FARS2: variants seen among roughly 807,000 people sequenced by gnomAD.
FARS2 encodes the protein phenylalanine--tRNA ligase, mitochondrial.
A neutral mutation model predicts 46.4 loss-of-function variants in FARS2; 40 were observed. The observed-to-expected ratio is 0.86, with a 90% CI of 0.67 to 1.12. FARS2 has a LOEUF of 1.12. FARS2 is among the 50% of genes most tolerant of loss of function. FARS2 has a pLI of 0.00. For synonymous variants in FARS2, 234 were observed against 214.9 expected, an observed-to-expected ratio of 1.09 and a Z score of -0.78; for missense variants, 513 against 567.9, an observed-to-expected ratio of 0.90 and a Z score of 0.98.
intron 1 of FARS2, among the ~76,000 whole-genome samples, chr6:5,280,689 A>G (rs953755811): frequency 7.4e-5 from 11 of 147,676 alleles, no homozygotes; most frequent in African/African-American, 2.0e-4. Flanking sequence ...TTCCCCAGCC[A>G]TTCTTTTTTT....
chr6:5,568,322 G>A (rs891489231), intron 5 of FARS2, among the ~76,000 whole-genome samples: 1 of 152,120 alleles, frequency 6.6e-6, no homozygotes, highest in African/African-American at 2.4e-5. Context: ...TTTTGTTGAT[G>A]TATGTGACAT....
chr6:5,454,810 G>A (rs965390098), intron 4 of FARS2, among the ~76,000 whole-genome samples: 4 of 152,078 alleles, frequency 2.6e-5, no homozygotes, highest in Non-Finnish European at 4.4e-5. Context: ...CTGGCCATGC[G>A]GACCCGCCTT....
At chr6:5,277,204 G>GTTTTTT (rs561665754) in intron 1 of FARS2, among the ~76,000 whole-genome samples, 1 of 143,400 alleles carries the variant, frequency 7.0e-6, no homozygotes, top group African/African-American at 2.6e-5. Context: ...TCACAGTTTT[G>GTTTTTT]TTTTTTTTTT....
chr6:5,326,408 T>C (rs1770385847), intron 1 of FARS2, among the ~76,000 whole-genome samples: 1 of 152,190 alleles, frequency 6.6e-6, no homozygotes, highest in Admixed American at 6.5e-5. Context: ...AGCAAATCAT[T>C]AACGTCCAGC....
In FARS2 at chr6:5,727,718, C is replaced by T. The variant is rs950899833; in HGVS notation, c.1218-43573C>T. On this transcript the variant is annotated intron_variant, in intron 6 of 6. Transcript: ENST00000274680. This position sits in a 1 kb window ranked among gnomAD's most constrained non-coding sequence, Gnocchi z 4.1. ...GAGGAGTTCACAGATTGGAGTGCCA[C>T]AGGGATCATATTTTCAGGTGCATTT... Among the ~76,000 whole-genome samples, 1 of 152,216 alleles carries T rather than the reference C, an allele frequency of 6.6e-6. No individual in the cohort carries two copies. The highest frequency in any genetic ancestry group is 2.4e-5 in the African/African-American group (1 of 41,454).
chr6:5,597,269 T>C (rs902417989), intron 5 of FARS2, among the ~76,000 whole-genome samples: 4 of 152,142 alleles, frequency 2.6e-5, no homozygotes, highest in African/African-American at 9.7e-5. Flanking sequence ...GGATGGAAGG[T>C]GTGGCTGTCT....
intron 1 of FARS2, among the ~76,000 whole-genome samples, chr6:5,340,975 G>A (rs972439075): frequency 4.6e-5 from 7 of 151,220 alleles, no homozygotes; most frequent in Non-Finnish European, 1.5e-5. Context: ...ATGAAACCCC[G>A]TCTCTGCTAA....
chr6:5,682,852 G>A (rs1304011428), intron 6 of FARS2, among the ~76,000 whole-genome samples: 2 of 152,244 alleles, frequency 1.3e-5, no homozygotes, highest in African/African-American at 4.8e-5. Flanking sequence ...GTGTGGGGCA[G>A]AGAGTGAAGT....
intron 1 of FARS2, among the ~76,000 whole-genome samples, chr6:5,278,844 G>A (rs1010238658): frequency 2.6e-5 from 4 of 152,180 alleles, no homozygotes; most frequent in African/African-American, 9.7e-5. Context: ...CAGAGAGAAA[G>A]GAAATGCCTA....
At chr6:5,407,116 GA>G (rs1210486996) in intron 3 of FARS2, among the ~76,000 whole-genome samples, 1 of 138,372 alleles carries the variant, frequency 7.2e-6, no homozygotes, top group African/African-American at 2.7e-5. Context: ...AGTAATCAGG[GA>G]AAAACAAAAC....
chr6:5,374,824 A>G (rs1759277155), intron 2 of FARS2, among the ~76,000 whole-genome samples: 1 of 152,138 alleles, frequency 6.6e-6, no homozygotes, highest in South Asian at 2.1e-4. Flanking sequence ...GATCATCTCA[A>G]TAGATATAGA....
In FARS2 at chr6:5,474,159, C is replaced by T. The variant is rs181227759; in HGVS notation, c.904+42987C>T. ...AGCCATCATCACATTTCCGTTATCT[C>T]CAATGGCACATGCCGCTGTCTACAT... On this transcript the variant is annotated intron_variant, in intron 4 of 6. Coordinates refer to ENST00000274680, the MANE Select transcript of FARS2 (RefSeq NM_006567.5). 1.4e-3 allele frequency among the ~76,000 whole-genome samples: 214 copies of T among 152,348 alleles called. 2 individuals carry two copies. The highest frequency in any genetic ancestry group is 0.01 in the Middle Eastern group (3 of 294).
intron 6 of FARS2, among the ~76,000 whole-genome samples, chr6:5,626,044 G>A (rs916703457): frequency 1.3e-5 from 2 of 152,184 alleles, no homozygotes; most frequent in South Asian, 2.1e-4. Flanking sequence ...TAGAGCCAGG[G>A]AAGGTGTTAT....
rs573302539 is a variant in FARS2, at chr6:5,569,825, G to C, written c.1065+24485G>C. On this transcript the variant is annotated intron_variant, in intron 5 of 6. Coordinates refer to ENST00000274680, the MANE Select transcript of FARS2 (RefSeq NM_006567.5). ...TGAGCAAGCACTGGCATGGGTTGAT[G>C]CTTGGGAATGGCTGTCAAGAGGACA... is the stretch of plus-strand genomic sequence containing the variant. Among the ~76,000 whole-genome samples the C allele has an allele frequency of 2.6e-5, 4 of 152,246 alleles. No individual in the cohort carries two copies. The East Asian group carries it at 7.7e-4, about 29-fold the overall frequency.
At position 5,609,851 on chromosome 6, in the gene FARS2, C is replaced by T. The variant is rs565175271; in HGVS notation, c.1066-3318C>T. On this transcript the variant is annotated intron_variant, in intron 5 of 6. Transcript: ENST00000274680. ...TCAAAATAATCTCTTAGGTGATGTT[C>T]TTCAGTGTCTTTAATGCCACCAACA... The T allele has an allele frequency of 4.8e-6, 5 of 1,031,130 alleles. No individual in the cohort carries two copies. The East Asian group carries it at 9.5e-5, about 20-fold the overall frequency. The allele number at this position is 1,031,130 out of a possible 1,614,324, so 63.9% of individuals were successfully genotyped here. A position where few individuals can be genotyped will look rare whatever the true frequency, so the allele number is the denominator to read the frequency against.
intron 6 of FARS2, among the ~76,000 whole-genome samples, chr6:5,641,281 C>CAGTTT (rs1776804101): frequency 6.7e-6 from 1 of 149,680 alleles, no homozygotes; most frequent in African/African-American, 2.5e-5. Flanking sequence ...CACGTGTCCC[C>CAGTTT]AGTTTATTTT....
At chr6:5,591,898 A>T (rs1773938858) in intron 5 of FARS2, among the ~76,000 whole-genome samples, 2 of 152,218 alleles carry the variant, frequency 1.3e-5, no homozygotes, top group Non-Finnish European at 2.9e-5. Flanking sequence ...TTTCTTGTGG[A>T]AAAAGAGTAT....
chr6:5,321,517 T>C (rs189476644), intron 1 of FARS2, among the ~76,000 whole-genome samples: 1 of 152,320 alleles, frequency 6.6e-6, no homozygotes, highest in East Asian at 1.9e-4. Context: ...GTGTGGCCTC[T>C]GTGCCTTGTA....
rs889677444 is a variant in FARS2, at chr6:5,436,832, C to T, written c.904+5660C>T. Among the ~76,000 whole-genome samples, 10 of 152,274 alleles carry T rather than the reference C, an allele frequency of 6.6e-5. No homozygotes were observed. The East Asian group carries it at 9.6e-4, about 15-fold the overall frequency. On this transcript the variant is annotated intron_variant, in intron 4 of 6. Coordinates refer to ENST00000274680, the MANE Select transcript of FARS2 (RefSeq NM_006567.5). ...AAACAAATACCCTAGATAATTCTTA[C>T]GAATGACTCACATTCAGACCATACT...
Sources: allele counts gnomAD v4.1 joint callset (sites outside exome capture counted in the v4.1 genomes callset), GRCh38; gene constraint gnomAD v4.1.1; non-coding constraint Gnocchi (gnomAD v3.1); transcripts MANE v1.5; gene names NCBI Gene and HGNC (gene_info 2026-07-23, HGNC 2026-07-21).